Variants in DNAAF4 observed in about 807,000 individuals in gnomAD.
DNAAF4 encodes the protein dynein axonemal assembly factor 4.
DNAAF4 carries 43 observed loss-of-function variants against 51.8 expected under a neutral mutation model. The ratio of observed to expected loss-of-function variants is 0.83; its 90% CI spans 0.65 to 1.07. DNAAF4 has a LOEUF of 1.07. Among genes scored for constraint, DNAAF4 ranks in the 50% least tolerant of loss-of-function variants. DNAAF4 has a pLI of 0.00. For missense variants in DNAAF4, 581 were observed against 493.0 expected (o/e 1.18, Z -1.69); for synonymous variants, 194 against 165.6 (o/e 1.17, Z -1.32).
rs529157499 is a variant in DNAAF4 at position 55,482,784 on chromosome 15, A to T, written c.405+8339T>A. 9.2e-5 allele frequency among the ~76,000 whole-genome samples: 14 copies of T among 152,302 alleles called. No homozygotes were observed. In the East Asian group the frequency reaches 1.3e-3, roughly 15 times the overall value. On this transcript the variant is annotated intron_variant, in intron 4 of 9. Coordinates refer to ENST00000321149, the MANE Select transcript of DNAAF4 (RefSeq NM_130810.4). ...TAGCCAAAAGGTGAAGAGAACCTAA[A>T]TTTTCACCAACTGATGAATGGATAA...
chr15:55,483,596 A>T (rs185520458), intron 4 of DNAAF4, among the ~76,000 whole-genome samples: 45 of 152,130 alleles, frequency 3.0e-4, no homozygotes, highest in African/African-American at 9.6e-4. Flanking sequence ...GCTGGAATAC[A>T]GTGGCACAAT....
At chr15:55,487,665 A>G (rs2058511547) in intron 4 of DNAAF4, among the ~76,000 whole-genome samples, 1 of 152,108 alleles carries the variant, frequency 6.6e-6, no homozygotes, top group Non-Finnish European at 1.5e-5. Flanking sequence ...GAGAGGAACA[A>G]ACAACTCCGG....
chr15:55,446,845 G>A (rs143863780), intron 6 of DNAAF4, among the ~76,000 whole-genome samples: 6,421 of 140,984 alleles, frequency 0.046, 197 homozygotes, highest in East Asian at 0.13. Flanking sequence ...TGGGGTGGCC[G>A]GGCAGAGGTG....
At chr15:55,506,682 C>A (rs1471644640) in intron 1 of DNAAF4, among the ~76,000 whole-genome samples, 4 of 151,892 alleles carry the variant, frequency 2.6e-5, no homozygotes, top group Admixed American at 2.0e-4. Context: ...TAGAAAAAAA[C>A]CTGAAAATAA....
intron 1 of DNAAF4, among the ~76,000 whole-genome samples, chr15:55,501,376 CTTTTT>C (rs1192104530): frequency 1.9e-5 from 2 of 104,512 alleles, no homozygotes; most frequent in Admixed American, 1.1e-4. Context: ...TTCTTTCTTT[CTTTTT>C]TTTTTTTTTT....
At chr15:55,426,617 C>T (rs1479677153), downstream of DNAAF4, among the ~76,000 whole-genome samples, 3 of 151,978 alleles carry the variant, frequency 2.0e-5, no homozygotes, top group Non-Finnish European at 2.9e-5. Flanking sequence ...TTTAGTGGAG[C>T]TGGGATTGGC....
intron 7 of DNAAF4, among the ~76,000 whole-genome samples, chr15:55,423,168 G>GT (rs71105878): frequency 0.14 from 20,310 of 145,980 alleles, 1,952 homozygotes; most frequent in African/African-American, 0.27. Context: ...AGAGCCAAAA[G>GT]TTTTTTTTTT....
chr15:55,459,853 G>A (rs1423677595), intron 5 of DNAAF4, among the ~76,000 whole-genome samples: 2 of 151,844 alleles, frequency 1.3e-5, no homozygotes, highest in Admixed American at 1.3e-4. Context: ...ACAGGCACGC[G>A]CCACCACGCC....
intron 6 of DNAAF4, among the ~76,000 whole-genome samples, chr15:55,449,178 T>C (rs1365007029): frequency 6.7e-6 from 1 of 150,044 alleles, no homozygotes; most frequent in South Asian, 2.1e-4. Context: ...TTAATAGCGA[T>C]GGGGTTTCAC....
In DNAAF4 at chr15:55,498,373, C is replaced by A; in HGVS notation, c.-44G>T. The A allele has an allele frequency of 6.3e-7, 1 of 1,582,188 alleles. No homozygotes were observed. Among genetic ancestry groups the A allele is most frequent in the Non-Finnish European group, 8.6e-7 (1 of 1,160,298 alleles). Reference sequence around the variant, plus strand: ...GGATAGCGCGGCTGGTTGCTTCTTGCGCCTGCTTGGTTGCTAGGGAAGCTG... The same window carrying A: ...GGATAGCGCGGCTGGTTGCTTCTTGAGCCTGCTTGGTTGCTAGGGAAGCTG... On this transcript the variant is annotated 5_prime_UTR_variant, in exon 2 of 10. Coordinates refer to ENST00000321149, the MANE Select transcript of DNAAF4 (RefSeq NM_130810.4).
intron 6 of DNAAF4, among the ~76,000 whole-genome samples, chr15:55,449,679 C>G (rs548482584): frequency 1.5e-5 from 2 of 132,006 alleles, no homozygotes; most frequent in East Asian, 5.1e-4. Context: ...AAACAAACAA[C>G]AACAACAAAA....
chr15:55,461,763 G>C (rs2058097551), intron 5 of DNAAF4, among the ~76,000 whole-genome samples: 1 of 151,760 alleles, frequency 6.6e-6, no homozygotes, highest in Non-Finnish European at 1.5e-5. Flanking sequence ...CCCAAACCCA[G>C]CACAAGAAAA....
intron 1 of DNAAF4, among the ~76,000 whole-genome samples, chr15:55,506,405 C>T (rs903996937): frequency 3.9e-5 from 6 of 152,150 alleles, no homozygotes; most frequent in African/African-American, 1.4e-4. Context: ...TTTTCAGCCT[C>T]CACACTATTA....
chr15:55,445,187 A>G (rs181889885), intron 6 of DNAAF4, among the ~76,000 whole-genome samples: 2,522 of 152,022 alleles, frequency 0.017, 81 homozygotes, highest in African/African-American at 0.058. Context: ...AGGTCCCTGC[A>G]GCCTTCCACA....
At chr15:55,450,152 AT>A (rs763869252) in intron 6 of DNAAF4, 69 bp downstream of exon 6, 26 of 1,471,924 alleles carry the variant, frequency 1.8e-5, no homozygotes, top group Non-Finnish European at 2.4e-5. Context: ...ACCAGTACTA[AT>A]TTCAATAGAT....
chr15:55,474,360 C>T (rs1045381041), intron 4 of DNAAF4, among the ~76,000 whole-genome samples: 2 of 151,944 alleles, frequency 1.3e-5, no homozygotes, highest in Non-Finnish European at 2.9e-5. Flanking sequence ...ATGTTGAAAC[C>T]TTGTCTCTAC....
chr15:55,428,648 C>A (rs1439965595), downstream of DNAAF4, among the ~76,000 whole-genome samples: 3 of 151,278 alleles, frequency 2.0e-5, no homozygotes, highest in South Asian at 6.3e-4. Flanking sequence ...GCGCCTGCCA[C>A]CACGCCTGGC....
chr15:55,481,253 A>G (rs1173407936), intron 4 of DNAAF4, among the ~76,000 whole-genome samples: 1 of 152,174 alleles, frequency 6.6e-6, no homozygotes, highest in East Asian at 1.9e-4. Flanking sequence ...CTAGAGGGAA[A>G]GCACTGTTTT....
chr15:55,452,958 T>C lies in DNAAF4; in HGVS notation c.638-2591A>G, dbSNP rs966097083. ...CTCCTGCCTCAGCCTCCTGAGTAGC[T>C]GGAATTACAGACGTGCACCACCATG... is the stretch of plus-strand genomic sequence containing the variant. On this transcript the variant is annotated intron_variant, in intron 5 of 9. Coordinates refer to ENST00000321149, the MANE Select transcript of DNAAF4 (RefSeq NM_130810.4). 1.1e-4 allele frequency among the ~76,000 whole-genome samples: 16 copies of C among 152,292 alleles called. 1 individual carries two copies. The highest frequency in any genetic ancestry group is 7.2e-4 in the Admixed American group (11 of 15,286).
Sources: gnomAD v4.1 joint callset for allele counts (sites outside exome capture counted in the v4.1 genomes callset) on GRCh38, gnomAD v4.1.1 for gene constraint, MANE v1.5 for transcripts, NCBI Gene and HGNC (gene_info 2026-07-23, HGNC 2026-07-21) for gene names.